The following CCSER1 variants were observed in gnomAD, a reference collection of about 807,000 sequenced individuals.
CCSER1 encodes serine-rich coiled-coil domain-containing protein 1.
Under a neutral mutation model 82.0 loss-of-function variants are expected in CCSER1, and 41 were observed. The observed-to-expected ratio is 0.50, with a 90% confidence interval of 0.39 to 0.65. The LOEUF is 0.65. Among genes scored for constraint, CCSER1 ranks in the 30% least tolerant of loss-of-function variants. The pLI is 0.00. For synonymous variants in CCSER1, 414 were observed against 383.9 expected (o/e 1.08, Z -0.92); for missense variants, 1,119 against 1,064.2 (o/e 1.05, Z -0.72).
At chr4:90,856,683 T>C (rs1350765309) in intron 8 of CCSER1, among the ~76,000 whole-genome samples, 1 of 152,192 alleles carries the variant, frequency 6.6e-6, no homozygotes, top group Non-Finnish European at 1.5e-5. Context: ...ACTCATTAGC[T>C]TGTGACTTTA....
chr4:90,923,836 C>T (rs1331683658), intron 9 of CCSER1, among the ~76,000 whole-genome samples: 2 of 152,140 alleles, frequency 1.3e-5, no homozygotes, highest in African/African-American at 4.8e-5. Flanking sequence ...TTTTTATATG[C>T]AGACACTTAA....
chr4:91,232,877 A>C (rs909299057), intron 10 of CCSER1, among the ~76,000 whole-genome samples: 2 of 151,760 alleles, frequency 1.3e-5, no homozygotes, highest in Non-Finnish European at 3.0e-5. Flanking sequence ...TATGGGGAAA[A>C]AATTAAGATG....
At chr4:91,556,238 C>G (rs1480641500) in intron 10 of CCSER1, among the ~76,000 whole-genome samples, 3 of 151,000 alleles carry the variant, frequency 2.0e-5, no homozygotes, top group Admixed American at 6.6e-5. Context: ...AATACTTTAG[C>G]TTTAAAGTTA....
At position 91,183,990 on chromosome 4, in the gene CCSER1, T is replaced by C. The variant is rs528903825; in HGVS notation, c.2217+97996T>C. ...TAATTGATCCCTACGTATGGTTACTTTCTGTGGCACAATGGTAGTGTCATT... is the reference window on the plus strand; with the variant it reads ...TAATTGATCCCTACGTATGGTTACTCTCTGTGGCACAATGGTAGTGTCATT... On this transcript the variant is annotated intron_variant, in intron 10 of 10. Transcript: ENST00000509176. Among the ~76,000 whole-genome samples, 5 of 152,338 alleles carry C rather than the reference T, an allele frequency of 3.3e-5. No individual in the cohort carries two copies. In the East Asian group the frequency reaches 9.7e-4, roughly 29 times the overall value.
chr4:90,822,503 C>G (rs932807882), intron 8 of CCSER1, among the ~76,000 whole-genome samples: 1 of 152,002 alleles, frequency 6.6e-6, no homozygotes, highest in African/African-American at 2.4e-5. Flanking sequence ...CCAAGGCGGG[C>G]GAATCACGAG....
At chr4:91,171,908 C>T (rs532637372) in intron 10 of CCSER1, among the ~76,000 whole-genome samples, 1 of 152,062 alleles carries the variant, frequency 6.6e-6, no homozygotes, top group African/African-American at 2.4e-5. Context: ...TCTATTTAAA[C>T]TTTTATGATG....
chr4:91,415,072 T>C (rs1753274882), intron 10 of CCSER1, among the ~76,000 whole-genome samples: 2 of 152,156 alleles, frequency 1.3e-5, no homozygotes, highest in Admixed American at 1.3e-4. Flanking sequence ...TAGTGCTATG[T>C]GGCAAATAGA....
intron 1 of CCSER1, among the ~76,000 whole-genome samples, chr4:90,189,782 A>T (rs1047160833): frequency 2.0e-5 from 3 of 151,922 alleles, no homozygotes; most frequent in Non-Finnish European, 1.5e-5. Flanking sequence ...TTACAATTTT[A>T]TCCCTGATAT....
rs531094425 is a variant in CCSER1, at chr4:90,481,012, A to G, written c.1724+12658A>G. ...ATATTGATTCTTCCTATCCATGAGT[A>G]TGGAATGTTCTTCCATTTGTTTGTG... On this transcript the variant is annotated intron_variant, in intron 5 of 10. Transcript: ENST00000509176. Among the ~76,000 whole-genome samples, 20 of 152,300 alleles carry G rather than the reference A, an allele frequency of 1.3e-4. No individual in the cohort carries two copies. The East Asian group carries it at 3.3e-3, about 25-fold the overall frequency.
Position 91,105,410 on chromosome 4 carries a change from A to C in CCSER1, c.2217+19416A>C, listed in dbSNP as rs61325518. On this transcript the variant is annotated intron_variant, in intron 10 of 10. Transcript: ENST00000509176. The stretch of plus-strand genomic sequence containing the variant: ...ATTCCAACCACTAACAGTAAACAAA[A>C]AAAAAAAAAAATAGGCCAGGCACAG... Among the ~76,000 whole-genome samples, 312 of 93,236 alleles carry C rather than the reference A, an allele frequency of 3.3e-3. 2 individuals are homozygous for C. Among genetic ancestry groups the C allele is most frequent in the African/African-American group, 9.3e-3 (233 of 25,094 alleles). 61.2% of individuals were successfully genotyped at this position (93,236 alleles called of 152,430 possible).
chr4:91,512,788 C>T (rs1759896589), intron 10 of CCSER1, among the ~76,000 whole-genome samples: 1 of 152,022 alleles, frequency 6.6e-6, no homozygotes, highest in Admixed American at 6.6e-5. Context: ...TATAGATATA[C>T]TACCTATTTT....
chr4:91,140,428 A>G (rs987765522), intron 10 of CCSER1, among the ~76,000 whole-genome samples: 2 of 152,052 alleles, frequency 1.3e-5, no homozygotes, highest in Non-Finnish European at 2.9e-5. Flanking sequence ...GGTCTTCCAG[A>G]TTTAGAATAA....
In CCSER1 at chr4:91,542,240, T is replaced by C. The variant is rs148998762; in HGVS notation, c.2218-56332T>C. Among the ~76,000 whole-genome samples, 97 of 152,244 alleles carry C rather than the reference T, an allele frequency of 6.4e-4. No homozygotes were observed. In the East Asian group the frequency reaches 0.018, roughly 28 times the overall value. ...AGAAGCTCTTTAGTTTAATTAGATCTCATTTGTTAATTTTGGCTTTTGTTA... is the reference window on the plus strand; with the variant it reads ...AGAAGCTCTTTAGTTTAATTAGATCCCATTTGTTAATTTTGGCTTTTGTTA... On this transcript the variant is annotated intron_variant, in intron 10 of 10. Coordinates refer to ENST00000509176, the MANE Select transcript of CCSER1 (RefSeq NM_001145065.2).
chr4:91,149,962 G>A (rs1022661047), intron 10 of CCSER1, among the ~76,000 whole-genome samples: 8 of 152,146 alleles, frequency 5.3e-5, no homozygotes, highest in African/African-American at 1.7e-4. Context: ...GGCAATGCAG[G>A]CTTTTTTTTG....
At chr4:90,213,531 T>A (rs908421771) in intron 1 of CCSER1, among the ~76,000 whole-genome samples, 1 of 152,152 alleles carries the variant, frequency 6.6e-6, no homozygotes, top group African/African-American at 2.4e-5. Flanking sequence ...TGAGATCACC[T>A]GGCAGAGGGG....
At chr4:90,945,067 A>G (rs1325826856) in intron 9 of CCSER1, among the ~76,000 whole-genome samples, 1 of 152,086 alleles carries the variant, frequency 6.6e-6, no homozygotes, top group Non-Finnish European at 1.5e-5. Flanking sequence ...GAGATAGGAG[A>G]GATTGCTTTT....
At chr4:90,688,325 G>A (rs1265218491) in intron 6 of CCSER1, among the ~76,000 whole-genome samples, 1 of 152,046 alleles carries the variant, frequency 6.6e-6, no homozygotes, top group Non-Finnish European at 1.5e-5. Context: ...GCATGTGTGT[G>A]TGCATGCATG....
At position 91,188,591 on chromosome 4, in the gene CCSER1, C is replaced by T. The variant is rs1421531242; in HGVS notation, c.2217+102597C>T. 2.6e-5 allele frequency among the ~76,000 whole-genome samples: 4 copies of T among 152,002 alleles called. No homozygotes were observed. The East Asian group carries it at 7.7e-4, about 29-fold the overall frequency. ...AATTAGTGATAAATATTTTTTAATG[C>T]CATTTAGTGTACCCTGGAACTTAAT... On this transcript the variant is annotated intron_variant, in intron 10 of 10. Coordinates refer to ENST00000509176, the MANE Select transcript of CCSER1 (RefSeq NM_001145065.2).
At chr4:90,505,418 T>A (rs572647516) in intron 5 of CCSER1, among the ~76,000 whole-genome samples, 1 of 152,242 alleles carries the variant, frequency 6.6e-6, no homozygotes, top group African/African-American at 2.4e-5. Context: ...GAATCTAGAC[T>A]ATGGGAGACC....
Sources: gnomAD v4.1 joint callset for allele counts (sites outside exome capture counted in the v4.1 genomes callset) on GRCh38, gnomAD v4.1.1 for gene constraint, MANE v1.5 for transcripts, NCBI Gene and HGNC (gene_info 2026-07-23, HGNC 2026-07-21) for gene names.